XRCC5: variants seen among roughly 807,000 people sequenced by gnomAD.
XRCC5 encodes DNA repair protein Ku80.
Under a neutral mutation model 95.7 loss-of-function variants are expected in XRCC5, and 12 were observed. That is an observed-to-expected ratio of 0.13 (90% CI 0.08 to 0.20). The LOEUF (loss-of-function observed/expected upper bound fraction) is 0.20, where lower values mean the gene tolerates loss of function less well. XRCC5 is among the 10% of genes least tolerant of loss of function. The pLI, the probability that XRCC5 is intolerant of heterozygous loss-of-function variation, is 1.00. For synonymous variants in XRCC5, 281 were observed against 290.3 expected, an observed-to-expected ratio of 0.97 and a Z score of 0.33; for missense variants, 595 against 873.9, an observed-to-expected ratio of 0.68 and a Z score of 4.02.
chr2:216,127,487 A>T (rs144306255), intron 7 of XRCC5, 49 bp from the exon 8 acceptor site: 4 of 1,550,430 alleles, frequency 2.6e-6, no homozygotes, highest in South Asian at 1.3e-5. Flanking sequence ...TCTTCTATCA[A>T]TTGGAATCCT....
In XRCC5 at chr2:216,160,151, G is replaced by C. The variant is rs756937898; in HGVS notation, c.1754G>C (p.Ser585Thr). The change falls in exon 15 of 21, where the codon AGT (serine) becomes ACT (threonine). Residue 585 changes from serine (S) to threonine (T), a missense_variant. Coordinates refer to ENST00000392132, the MANE Select transcript of XRCC5 (RefSeq NM_021141.4). ...HFSVSSLAEG[S>T]VTSVGSVNPA... ...AGCGTCTCCAGTCTGGCTGAAGGCA[G>C]TGTCACCTCTGTAAGCTAAGCTTTT... 1 of 1,606,602 alleles carries C rather than the reference G, an allele frequency of 6.2e-7. No individual in the cohort carries two copies. The highest frequency in any genetic ancestry group is 8.5e-7 in the Non-Finnish European group (1 of 1,176,216).
chr2:216,178,660 A>G (rs1031430109), intron 16 of XRCC5, among the ~76,000 whole-genome samples: 2 of 152,240 alleles, frequency 1.3e-5, no homozygotes, highest in Non-Finnish European at 2.9e-5. Context: ...ATCCCTGTAC[A>G]TCTGCATATA....
chr2:216,113,203 T>C (rs992358035), intron 2 of XRCC5, 74 bp downstream of exon 2: 5 of 1,277,712 alleles, frequency 3.9e-6, no homozygotes, highest in Non-Finnish European at 4.5e-6. Context: ...TAATGCAAGA[T>C]ACCAGCCTCC....
Position 216,117,394 on chromosome 2 carries a change from G to A in XRCC5, c.320-352G>A, listed in dbSNP as rs41297776. 971 of 259,172 alleles carry A rather than the reference G, an allele frequency of 3.7e-3. 10 individuals are homozygous for A. Among genetic ancestry groups the A allele is most frequent in the African/African-American group, 0.019 (889 of 46,154 alleles). The allele number at this position is 259,172 out of a possible 1,614,324, so 16.1% of individuals were successfully genotyped here. A position where few individuals can be genotyped will look rare whatever the true frequency, so the allele number is the denominator to read the frequency against. On this transcript the variant is annotated intron_variant, in intron 3 of 20. Transcript: ENST00000392132. ...ACTGGGAAGTGCTGTTGTGTTAGGA[G>A]TGACTTGCAAATGCTACATTATGGT... is the stretch of plus-strand genomic sequence containing the variant.
chr2:216,143,821 C>T (rs1478959190), intron 13 of XRCC5, among the ~76,000 whole-genome samples: 41 of 151,960 alleles, frequency 2.7e-4, no homozygotes, highest in Admixed American at 2.7e-3. Flanking sequence ...ATTCTCCTGC[C>T]TCAGCCTCCC....
intron 15 of XRCC5, among the ~76,000 whole-genome samples, chr2:216,161,459 A>T (rs964451644): frequency 3.3e-5 from 5 of 152,186 alleles, no homozygotes; most frequent in Non-Finnish European, 5.9e-5. Flanking sequence ...CTTTCTGAGG[A>T]CATGTTCAAC....
chr2:216,171,044 A>G (rs894190358), intron 16 of XRCC5, among the ~76,000 whole-genome samples: 1 of 152,244 alleles, frequency 6.6e-6, no homozygotes, highest in Non-Finnish European at 1.5e-5. Context: ...GCTTTAATCA[A>G]TGACTTGAAG....
rs1015958640 is a variant in XRCC5 at position 216,157,295 on chromosome 2, G to A, written c.1671-2773G>A. Among the ~76,000 whole-genome samples the A allele has an allele frequency of 5.3e-5, 8 of 151,066 alleles. No homozygotes were observed. In the East Asian group the frequency reaches 5.8e-4, roughly 11 times the overall value. On this transcript the variant is annotated intron_variant, in intron 14 of 20. Transcript: ENST00000392132. ...GTCACCCAGGCTGGAGTGCAGTGGC[G>A]CCATTGTGGCTCACTGCAAGCTCTG...
chr2:216,138,687 C>A (rs1697127254), intron 12 of XRCC5, among the ~76,000 whole-genome samples: 2 of 152,154 alleles, frequency 1.3e-5, no homozygotes, highest in African/African-American at 4.8e-5. Context: ...CCTGATTGAG[C>A]ATCTGGCTGC....
In XRCC5 at chr2:216,178,189, A is replaced by G. The variant is rs537319909; in HGVS notation, c.1835-12036A>G. ...CTAGAAATAGAAACAATTGTTTTTT[A>G]TCTCCTTGTATGACAATCTCTTAAC... On this transcript the variant is annotated intron_variant, in intron 16 of 20. Coordinates refer to ENST00000392132, the MANE Select transcript of XRCC5 (RefSeq NM_021141.4). 3.3e-4 allele frequency among the ~76,000 whole-genome samples: 51 copies of G among 152,342 alleles called. No individual in the cohort carries two copies. In the South Asian group the frequency reaches 0.011, roughly 32 times the overall value.
intron 18 of XRCC5, among the ~76,000 whole-genome samples, 200 bp from the exon 19 acceptor site, chr2:216,194,719 C>T (rs1689682487): frequency 6.6e-6 from 1 of 152,080 alleles, no homozygotes; most frequent in African/African-American, 2.4e-5. Context: ...GCTTGTAATC[C>T]CAGCACTTTG....
chr2:216,109,490 C>T (rs1313687591), intron 1 of XRCC5, 33 bp downstream of exon 1: 1 of 1,612,908 alleles, frequency 6.2e-7, no homozygotes, highest in East Asian at 2.2e-5. Context: ...GGGCTTTACC[C>T]GGACTGGGGA....
At chr2:216,121,948 G>A in intron 5 of XRCC5, 114 bp from the exon 6 acceptor site, 2 of 941,046 alleles carry the variant, frequency 2.1e-6, no homozygotes, top group Non-Finnish European at 3.0e-6. Context: ...AGAGTCGTTT[G>A]ACAGATGAGA....
chr2:216,193,153 A>G (rs1211004392), intron 18 of XRCC5, among the ~76,000 whole-genome samples: 1 of 152,034 alleles, frequency 6.6e-6, no homozygotes, highest in Non-Finnish European at 1.5e-5. Context: ...TTCATTTACC[A>G]TGTTCTTGGA....
At chr2:216,111,386 T>G (rs764962666) in intron 1 of XRCC5, 14 of 451,462 alleles carry the variant, frequency 3.1e-5, no homozygotes, top group South Asian at 2.2e-4. Flanking sequence ...TAGCTGGGCA[T>G]GGTGGGGTGC....
intron 16 of XRCC5, among the ~76,000 whole-genome samples, chr2:216,178,206 T>C (rs1689313502): frequency 6.6e-6 from 1 of 152,228 alleles, no homozygotes; most frequent in Non-Finnish European, 1.5e-5. Flanking sequence ...TGTATGACAA[T>C]CTCTTAACTG....
intron 5 of XRCC5, 80 bp from the exon 6 acceptor site, chr2:216,121,982 C>T: frequency 8.0e-7 from 1 of 1,256,706 alleles, no homozygotes; most frequent in South Asian, 1.8e-5. Context: ...AAAAGGTTGA[C>T]TGATGTGCTC....
chr2:216,206,220 C>G lies in XRCC5; in HGVS notation c.*1018C>G, dbSNP rs1473270279. The G allele has an allele frequency of 6.6e-6, 1 of 152,162 alleles. No homozygotes were observed. The highest frequency in any genetic ancestry group is 2.4e-5 in the African/African-American group (1 of 41,422). 9.4% of individuals were successfully genotyped at this position (152,162 alleles called of 1,614,324 possible). Reference sequence around the variant, plus strand: ...ACCCAGTCACCTCTGTCTTCAGCACCCTCATAAGTCGTCACTAATACACAG... The same window carrying G: ...ACCCAGTCACCTCTGTCTTCAGCACGCTCATAAGTCGTCACTAATACACAG... On this transcript the variant is annotated 3_prime_UTR_variant, in exon 21 of 21. Transcript: ENST00000392132.
chr2:216,112,321 C>T (rs1696603253), intron 1 of XRCC5, among the ~76,000 whole-genome samples: 2 of 152,224 alleles, frequency 1.3e-5, no homozygotes, highest in Admixed American at 6.5e-5. Context: ...ATTCAGGAAG[C>T]CTTTTCTGCC....
Sources: gnomAD v4.1 joint callset for allele counts (sites outside exome capture counted in the v4.1 genomes callset) on GRCh38, gnomAD v4.1.1 for gene constraint, MANE v1.5 for transcripts, NCBI Gene and HGNC (gene_info 2026-07-23, HGNC 2026-07-21) for gene names.